MGMT: variants seen among roughly 807,000 people sequenced by gnomAD.
The protein encoded by MGMT is O-6-methylguanine-DNA methyltransferase.
A neutral mutation model predicts 15.9 loss-of-function variants in MGMT; 14 were observed. The ratio of observed to expected loss-of-function variants is 0.88; its 90% CI spans 0.58 to 1.37. The LOEUF is 1.37. Among genes scored for constraint, MGMT ranks in the 40% most tolerant of loss-of-function variants. The pLI, the probability that MGMT is intolerant of heterozygous loss-of-function variation, is 0.00. For synonymous variants in MGMT, 130 were observed against 118.2 expected, an observed-to-expected ratio of 1.10 and a Z score of -0.65; for missense variants, 282 against 268.1, an observed-to-expected ratio of 1.05 and a Z score of -0.36.
intron 2 of MGMT, among the ~76,000 whole-genome samples, chr10:129,663,678 A>G (rs1056455411): frequency 2.6e-5 from 4 of 152,230 alleles, no homozygotes; most frequent in Admixed American, 2.6e-4. Context: ...TTTAAAAAGC[A>G]CAAGAGACTA....
chr10:129,531,311 G>A (rs1200836686), intron 1 of MGMT, among the ~76,000 whole-genome samples: 1 of 152,172 alleles, frequency 6.6e-6, no homozygotes, highest in Non-Finnish European at 1.5e-5. Context: ...GGCCACCACT[G>A]TGCCAGCCTT....
At chr10:129,737,039 G>C (rs538080960) in intron 3 of MGMT, among the ~76,000 whole-genome samples, 1 of 151,992 alleles carries the variant, frequency 6.6e-6, no homozygotes, top group Non-Finnish European at 1.5e-5. Flanking sequence ...TATGTGTCTT[G>C]GAGTTGCTCT....
chr10:129,579,906 C>T (rs1846532306), intron 2 of MGMT, among the ~76,000 whole-genome samples: 1 of 152,218 alleles, frequency 6.6e-6, no homozygotes, highest in African/African-American at 2.4e-5. Flanking sequence ...GCCCTTGACA[C>T]TTTCTGGTCC....
chr10:129,568,456 A>C (rs1023981341), intron 2 of MGMT, among the ~76,000 whole-genome samples: 1 of 152,152 alleles, frequency 6.6e-6, no homozygotes, highest in Non-Finnish European at 1.5e-5. Context: ...ATTTCCAAAG[A>C]CGACACCGAA....
At chr10:129,766,577 C>T (rs763474161) in intron 4 of MGMT, among the ~76,000 whole-genome samples, 2 of 152,232 alleles carry the variant, frequency 1.3e-5, no homozygotes, top group African/African-American at 4.8e-5. Context: ...TCCCCCAACC[C>T]GTGCTGAGAC....
intron 1 of MGMT, among the ~76,000 whole-genome samples, chr10:129,494,125 T>C (rs1292525408): frequency 2.6e-5 from 4 of 152,254 alleles, no homozygotes; most frequent in African/African-American, 4.8e-5. Flanking sequence ...ATGTTTAATA[T>C]AGTGTTTTGA....
intron 2 of MGMT, among the ~76,000 whole-genome samples, chr10:129,673,549 G>A (rs1229584830): frequency 3.9e-5 from 6 of 152,114 alleles, no homozygotes; most frequent in Non-Finnish European, 8.8e-5. Context: ...TCTGCCTGAT[G>A]CACCACCCCA....
chr10:129,618,020 G>A (rs543177717), intron 2 of MGMT, among the ~76,000 whole-genome samples: 1 of 151,984 alleles, frequency 6.6e-6, no homozygotes, highest in African/African-American at 2.4e-5. Context: ...TCCTGTGTGG[G>A]CTGCACCACT....
chr10:129,686,332 A>G (rs1343045652), intron 2 of MGMT, among the ~76,000 whole-genome samples: 1 of 152,116 alleles, frequency 6.6e-6, no homozygotes, highest in Non-Finnish European at 1.5e-5. Flanking sequence ...ATAATTCCAC[A>G]TAAATAAGAC....
intron 2 of MGMT, among the ~76,000 whole-genome samples, chr10:129,549,092 C>T (rs1464987452): frequency 6.6e-6 from 1 of 152,216 alleles, no homozygotes; most frequent in Non-Finnish European, 1.5e-5. Flanking sequence ...TGGATTTCAG[C>T]ACGTTGACAT....
chr10:129,494,195 C>G (rs191355432), intron 1 of MGMT, among the ~76,000 whole-genome samples: 1 of 152,212 alleles, frequency 6.6e-6, no homozygotes, highest in Non-Finnish European at 1.5e-5. Flanking sequence ...TAGCCAGCCT[C>G]TTAGTTTCCT....
chr10:129,679,499 T>C (rs1847823946), intron 2 of MGMT, among the ~76,000 whole-genome samples: 1 of 152,170 alleles, frequency 6.6e-6, no homozygotes, highest in Non-Finnish European at 1.5e-5. Context: ...TGAGAAATGT[T>C]GGTATGTTTC....
intron 4 of MGMT, among the ~76,000 whole-genome samples, chr10:129,763,467 T>C (rs1337240569): frequency 1.3e-5 from 2 of 152,198 alleles, no homozygotes; most frequent in African/African-American, 2.4e-5. Flanking sequence ...GTCACAGCTG[T>C]CGGGGTCATT....
intron 2 of MGMT, among the ~76,000 whole-genome samples, chr10:129,652,214 C>G (rs879907193): frequency 1.3e-5 from 2 of 152,198 alleles, no homozygotes; most frequent in Non-Finnish European, 2.9e-5. Context: ...CTCGGGGGGC[C>G]GGCCATGCGG....
At chr10:129,536,452 T>G in intron 2 of MGMT, 75 bp downstream of exon 2, 1 of 1,537,238 alleles carries the variant, frequency 6.5e-7, no homozygotes, top group Non-Finnish European at 8.8e-7. Context: ...TAACGGCATG[T>G]TTTCCATTGA....
intron 3 of MGMT, among the ~76,000 whole-genome samples, chr10:129,720,978 A>G (rs1848364095): frequency 1.3e-5 from 2 of 152,114 alleles, no homozygotes; most frequent in Admixed American, 1.3e-4. Context: ...GTAAATAAAT[A>G]CATTTGCAAT....
At chr10:129,505,382 G>T (rs1845615301) in intron 1 of MGMT, among the ~76,000 whole-genome samples, 1 of 152,148 alleles carries the variant, frequency 6.6e-6, no homozygotes, top group Non-Finnish European at 1.5e-5. Context: ...AAAATAGGGG[G>T]CTGACAACAT....
At chr10:129,498,367 A>G (rs1845543702) in intron 1 of MGMT, among the ~76,000 whole-genome samples, 1 of 152,170 alleles carries the variant, frequency 6.6e-6, no homozygotes, top group African/African-American at 2.4e-5. Context: ...CACTCATCTT[A>G]GTGACCGTGG....
chr10:129,525,546 A>T (rs981066731), intron 1 of MGMT, among the ~76,000 whole-genome samples: 3 of 152,140 alleles, frequency 2.0e-5, no homozygotes, highest in African/African-American at 7.2e-5. Context: ...TTCTTTGACC[A>T]TCCCTAATTC....
Sources: allele counts gnomAD v4.1 joint callset (sites outside exome capture counted in the v4.1 genomes callset), GRCh38; gene constraint gnomAD v4.1.1; transcripts MANE v1.5; gene names NCBI Gene and HGNC (gene_info 2026-07-23, HGNC 2026-07-21).